The following ENKUR variants were observed in gnomAD, a reference collection of about 807,000 sequenced individuals.
The protein encoded by ENKUR is enkurin, TRPC channel interacting protein.
A neutral mutation model predicts 27.6 loss-of-function variants in ENKUR; 19 were observed. The observed-to-expected ratio is 0.69, with a 90% CI of 0.48 to 1.01. The LOEUF is 1.01. ENKUR is among the 50% of genes least tolerant of loss of function. ENKUR has a pLI of 0.00. For missense variants in ENKUR, 312 were observed against 310.5 expected (o/e 1.00, Z -0.04); for synonymous variants, 117 against 96.9 (o/e 1.21, Z -1.22).
At chr10:25,055,944 T>C (rs1851251228) in intron 2 of ENKUR, among the ~76,000 whole-genome samples, 1 of 152,226 alleles carries the variant, frequency 6.6e-6, no homozygotes, top group Non-Finnish European at 1.5e-5. Flanking sequence ...TGGCATGGGT[T>C]GCACTGTATT....
chr10:25,031,093 A>C (rs763564550), intron 2 of ENKUR, among the ~76,000 whole-genome samples: 1 of 152,190 alleles, frequency 6.6e-6, no homozygotes, highest in Non-Finnish European at 1.5e-5. Context: ...CTCCAGCCTG[A>C]GTGATAGAGT....
chr10:25,018,659 G>GTTTTT (rs374289213), upstream of ENKUR, among the ~76,000 whole-genome samples: 104 of 93,632 alleles, frequency 1.1e-3, 6 homozygotes, highest in Middle Eastern at 6.8e-3. Flanking sequence ...AATGAGAGTT[G>GTTTTT]TTTTTTTTTT....
At position 24,999,424 on chromosome 10, in the gene ENKUR, G is replaced by A. The variant is rs374046096; in HGVS notation, c.200C>T (p.Ser67Leu). 3 of 1,608,598 alleles carry A rather than the reference G, an allele frequency of 1.9e-6. No individual in the cohort carries two copies. Among genetic ancestry groups the A allele is most frequent in the African/African-American group, 1.3e-5 (1 of 74,410 alleles). ...PSPKDFLKKH[S>L]KEKTLPPKKN... Reference sequence around the variant, plus strand: ...ACTGGGTGGTAGAGTTTTTTCCTTTGAATGTTTCTTTAGGAAATCCTTTGG... The same window carrying A: ...ACTGGGTGGTAGAGTTTTTTCCTTTAAATGTTTCTTTAGGAAATCCTTTGG... The change falls in exon 2 of 6, where the codon TCA becomes TTA. Residue 67 changes from serine to leucine, a missense_variant. Ser to Leu is a moderately radical substitution (Grantham distance 145, BLOSUM62 -2). Coordinates refer to ENST00000331161, the MANE Select transcript of ENKUR (RefSeq NM_145010.4).
Position 24,983,667 on chromosome 10 carries a change from A to C in ENKUR, c.*703T>G, listed in dbSNP as rs903164796. On this transcript the variant is annotated 3_prime_UTR_variant, in exon 6 of 6. Coordinates refer to ENST00000331161, the MANE Select transcript of ENKUR (RefSeq NM_145010.4). The stretch of plus-strand genomic sequence containing the variant: ...TTAAGTAACCAAAATAAGCTTTTCT[A>C]TAAGGCTTCCAAATTCTGTGTTTGT... 8 of 152,342 alleles carry C rather than the reference A, an allele frequency of 5.3e-5. No homozygotes were observed. The highest frequency in any genetic ancestry group is 1.7e-4 in the African/African-American group (7 of 41,574). The allele number at this position is 152,342 out of a possible 1,614,324, so 9.4% of individuals were successfully genotyped here.
At chr10:24,999,016 T>A (rs553459874) in intron 2 of ENKUR, among the ~76,000 whole-genome samples, 2 of 152,240 alleles carry the variant, frequency 1.3e-5, no homozygotes, top group Admixed American at 1.3e-4. Flanking sequence ...TGGTTGTAAT[T>A]TTCATCTCTT....
At chr10:24,999,619 A>G in intron 1 of ENKUR, 73 bp from the exon 2 acceptor site, 1 of 1,306,472 alleles carries the variant, frequency 7.7e-7, no homozygotes, top group Non-Finnish European at 1.1e-6. Context: ...TTAAAGTTTA[A>G]ATCTTACATT....
chr10:25,016,872 C>G (rs888787878), upstream of ENKUR: 2 of 152,698 alleles, frequency 1.3e-5, no homozygotes, highest in African/African-American at 4.8e-5. Context: ...GTCCCTTCCC[C>G]TTTCCGCTAC....
chr10:25,050,670 T>G (rs193070115), intron 2 of ENKUR, among the ~76,000 whole-genome samples: 1 of 152,256 alleles, frequency 6.6e-6, no homozygotes, highest in Non-Finnish European at 1.5e-5. Flanking sequence ...AAACATGTTA[T>G]TGTAATGACA....
In ENKUR at chr10:25,024,954, C is replaced by A; in HGVS notation, c.38-29085G>T. 1.2e-6 allele frequency: 2 copies of A among 1,614,086 alleles called. No homozygotes were observed. The highest frequency in any genetic ancestry group is 1.7e-6 in the Non-Finnish European group (2 of 1,180,032). ...CTTCAAACCTAGAACGACATTTACACTTGATGGCTAATAAAGATGGACAGC... is the reference window on the plus strand; with the variant it reads ...CTTCAAACCTAGAACGACATTTACAATTGATGGCTAATAAAGATGGACAGC... On this transcript the variant is annotated intron_variant, in intron 2 of 5. Coordinates refer to the ENKUR transcript ENST00000615958.
intron 3 of ENKUR, among the ~76,000 whole-genome samples, chr10:24,993,969 C>T (rs190860324): frequency 4.5e-4 from 68 of 152,232 alleles, no homozygotes; most frequent in Admixed American, 1.0e-3. Flanking sequence ...TTTTCCCTAT[C>T]CTGTGGGACA....
At chr10:24,995,318 C>T (rs952966520) in intron 3 of ENKUR, among the ~76,000 whole-genome samples, 5 of 152,158 alleles carry the variant, frequency 3.3e-5, no homozygotes, top group Non-Finnish European at 7.3e-5. Context: ...TCTAGATTTA[C>T]AGTAATGACT....
intron 3 of ENKUR, among the ~76,000 whole-genome samples, chr10:24,995,099 G>T (rs889868270): frequency 6.6e-6 from 1 of 152,126 alleles, no homozygotes; most frequent in East Asian, 1.9e-4. Flanking sequence ...GGACCCAAAA[G>T]GACTAGATTA....
intron 2 of ENKUR, among the ~76,000 whole-genome samples, chr10:25,031,700 CT>C (rs1850936588): frequency 6.8e-6 from 1 of 147,162 alleles, no homozygotes; most frequent in Non-Finnish European, 1.5e-5. Context: ...TCCTTGTTAA[CT>C]TTTCTGTTAT....
At chr10:25,030,219 T>C (rs1167828244) in intron 2 of ENKUR, among the ~76,000 whole-genome samples, 2 of 152,174 alleles carry the variant, frequency 1.3e-5, no homozygotes, top group African/African-American at 4.8e-5. Context: ...TTTTACTTCG[T>C]TTATTCCATA....
At chr10:24,992,521 A>G (rs1183893328) in intron 3 of ENKUR, among the ~76,000 whole-genome samples, 1 of 151,966 alleles carries the variant, frequency 6.6e-6, no homozygotes, top group Non-Finnish European at 1.5e-5. Flanking sequence ...AGTGGAGGTG[A>G]CCTCTGCCAC....
upstream of ENKUR, among the ~76,000 whole-genome samples, chr10:25,018,129 GCTAAA>G (rs1850645588): frequency 6.6e-6 from 1 of 152,126 alleles, no homozygotes; most frequent in Non-Finnish European, 1.5e-5. Flanking sequence ...TTTAAAAAAT[GCTAAA>G]CAATTTGTGC....
intron 2 of ENKUR, among the ~76,000 whole-genome samples, chr10:25,057,380 T>C (rs1851272446): frequency 8.5e-6 from 1 of 117,752 alleles, no homozygotes; most frequent in Non-Finnish European, 1.8e-5. Flanking sequence ...TGCACTTTGG[T>C]ACACACACAC....
chr10:25,057,264 T>TG (rs1196027014), intron 2 of ENKUR, among the ~76,000 whole-genome samples: 1 of 151,870 alleles, frequency 6.6e-6, no homozygotes, highest in Admixed American at 6.6e-5. Flanking sequence ...GGAAGGGGAA[T>TG]GGGAGTGAAG....
chr10:25,003,766 C>T, intron 1 of ENKUR, among the ~76,000 whole-genome samples: 1 of 152,218 alleles, frequency 6.6e-6, no homozygotes, highest in South Asian at 2.1e-4. Flanking sequence ...CAGATTATTT[C>T]ATCACCCAGG....
Sources: allele counts gnomAD v4.1 joint callset (sites outside exome capture counted in the v4.1 genomes callset), GRCh38; gene constraint gnomAD v4.1.1; transcripts MANE v1.5; gene names NCBI Gene and HGNC (gene_info 2026-07-23, HGNC 2026-07-21).